PMM2: variants seen among roughly 807,000 people sequenced by gnomAD.
PMM2 encodes phosphomannomutase 2, also known as mannose-6-phosphate isomerase.
Under a neutral mutation model 33.2 loss-of-function variants are expected in PMM2, and 35 were observed. The observed-to-expected ratio is 1.06, with a 90% CI of 0.81 to 1.40. The LOEUF (loss-of-function observed/expected upper bound fraction) is 1.40, where lower values mean the gene tolerates loss of function less well. Ranked by LOEUF, PMM2 falls within the 40% of genes most tolerant of loss-of-function variation. PMM2 has a pLI of 0.00. For synonymous variants in PMM2, 153 were observed against 114.7 expected (o/e 1.33, Z -2.13); for missense variants, 386 against 306.0 (o/e 1.26, Z -1.95).
chr16:8,802,112 G>A (rs931912851), intron 2 of PMM2: 1 of 560,684 alleles, frequency 1.8e-6, no homozygotes, highest in Admixed American at 2.2e-5. Flanking sequence ...GGAGAACTGG[G>A]TACTCAGATG....
intron 1 of PMM2, among the ~76,000 whole-genome samples, chr16:8,800,658 G>C (rs960185880): frequency 7.6e-6 from 1 of 131,770 alleles, no homozygotes. Context: ...TCAATTCTAA[G>C]CTTCTCCTTT....
chr16:8,820,963 G>T (rs61368425), intron 7 of PMM2, among the ~76,000 whole-genome samples: 3,804 of 151,228 alleles, frequency 0.025, 78 homozygotes, highest in African/African-American at 0.055. Context: ...CTGTCCTCAG[G>T]TTCCAAGTTA....
chr16:8,802,905 C>G (rs2060624153), intron 2 of PMM2, among the ~76,000 whole-genome samples: 1 of 152,012 alleles, frequency 6.6e-6, no homozygotes, highest in African/African-American at 2.4e-5. Flanking sequence ...CCCCAGAGTC[C>G]TCACATCTTG....
chr16:8,822,195 G>A (rs535156291), intron 7 of PMM2, among the ~76,000 whole-genome samples: 67 of 152,256 alleles, frequency 4.4e-4, no homozygotes, highest in Admixed American at 1.2e-3. Flanking sequence ...CATAGGGGGT[G>A]GAAGTGAGTT....
intron 7 of PMM2, among the ~76,000 whole-genome samples, chr16:8,822,187 T>C (rs1442389009): frequency 6.6e-6 from 1 of 152,060 alleles, no homozygotes; most frequent in Admixed American, 6.6e-5. Context: ...GATGAAATCA[T>C]AGGGGGTGGA....
intron 7 of PMM2, among the ~76,000 whole-genome samples, chr16:8,834,834 T>C (rs1188244767): frequency 7.2e-5 from 11 of 151,784 alleles, no homozygotes; most frequent in African/African-American, 2.7e-4. Context: ...TATGGGGAAA[T>C]GGGGTGAATA....
chr16:8,828,492 C>T (rs898942774), intron 7 of PMM2, among the ~76,000 whole-genome samples: 1 of 152,124 alleles, frequency 6.6e-6, no homozygotes, highest in African/African-American at 2.4e-5. Context: ...GGACTTTACT[C>T]AAGATAATTC....
intron 7 of PMM2, among the ~76,000 whole-genome samples, chr16:8,826,936 A>G (rs2060771720): frequency 6.6e-6 from 1 of 152,176 alleles, no homozygotes; most frequent in South Asian, 2.1e-4. Context: ...TTTACCATAC[A>G]AGATCTTTTC....
At chr16:8,814,673 G>T (rs952623314) in intron 7 of PMM2, among the ~76,000 whole-genome samples, 1 of 152,220 alleles carries the variant, frequency 6.6e-6, no homozygotes, top group Non-Finnish European at 1.5e-5. Flanking sequence ...GGCACCAGAA[G>T]AAGTCTACCT....
In PMM2 at chr16:8,849,249, C is replaced by A. The variant is rs552732593; in HGVS notation, c.*1424C>A. The A allele has an allele frequency of 2.0e-5, 3 of 152,296 alleles. No homozygotes were observed. Among genetic ancestry groups the A allele is most frequent in the African/African-American group, 4.8e-5 (2 of 41,460 alleles). 9.4% of individuals were successfully genotyped at this position (152,296 alleles called of 1,614,324 possible). ...TGACTCACAGGACACAGCCATCCAG[C>A]GGCATCTTTCCTTGTCGAATGATAC... On this transcript the variant is annotated 3_prime_UTR_variant, in exon 8 of 8. Coordinates refer to ENST00000268261, the MANE Select transcript of PMM2 (RefSeq NM_000303.3).
chr16:8,832,620 C>T (rs753950709), intron 7 of PMM2: 20 of 985,432 alleles, frequency 2.0e-5, no homozygotes, highest in Non-Finnish European at 1.9e-5. Context: ...TCTTTGCACC[C>T]TGGCCGGCTG....
At chr16:8,823,557 T>C (rs533807620) in intron 7 of PMM2, among the ~76,000 whole-genome samples, 27 of 152,358 alleles carry the variant, frequency 1.8e-4, no homozygotes, top group African/African-American at 6.5e-4. Context: ...TGATTATTTG[T>C]ATAAAGTAAA....
chr16:8,823,265 AAGGT>A (rs987613333), intron 7 of PMM2, among the ~76,000 whole-genome samples: 1 of 152,162 alleles, frequency 6.6e-6, no homozygotes, highest in African/African-American at 2.4e-5. Flanking sequence ...CCTCAGGAAA[AAGGT>A]AGTAGCAATT....
intron 1 of PMM2, among the ~76,000 whole-genome samples, chr16:8,798,477 T>A (rs528987226): frequency 6.6e-6 from 1 of 152,052 alleles, no homozygotes; most frequent in Non-Finnish European, 1.5e-5. Flanking sequence ...TTCCATATGG[T>A]GTCTGTGAGG....
chr16:8,819,186 G>A (rs914692532), intron 7 of PMM2, among the ~76,000 whole-genome samples: 1 of 152,200 alleles, frequency 6.6e-6, no homozygotes, highest in African/African-American at 2.4e-5. Flanking sequence ...GGACAGCCCC[G>A]CTGCTCCTCA....
chr16:8,815,178 G>A (rs1440749942), intron 7 of PMM2, among the ~76,000 whole-genome samples: 1 of 151,614 alleles, frequency 6.6e-6, no homozygotes, highest in African/African-American at 2.4e-5. Context: ...TTTTTAAGGC[G>A]GAATAATGTT....
chr16:8,799,124 T>C (rs932490515), intron 1 of PMM2, among the ~76,000 whole-genome samples: 1 of 152,230 alleles, frequency 6.6e-6, no homozygotes, highest in Non-Finnish European at 1.5e-5. Context: ...ATGTGGTCTA[T>C]AGTAACCACT....
intron 7 of PMM2, among the ~76,000 whole-genome samples, chr16:8,839,382 C>G (rs2060874155): frequency 6.6e-6 from 1 of 151,868 alleles, no homozygotes; most frequent in South Asian, 2.1e-4. Flanking sequence ...ACCTAGAGTC[C>G]TAGGGATCCA....
rs200503569 is a variant in PMM2 at position 8,806,383 on chromosome 16, C to T, written c.323C>T (p.Ala108Val). 4.8e-5 allele frequency: 78 copies of T among 1,612,342 alleles called. No homozygotes were observed. The highest frequency in any genetic ancestry group is 6.1e-5 in the Non-Finnish European group (72 of 1,178,560). Residue 108 changes from alanine to valine, a missense_variant, in exon 4 of 8, where the codon GCG (alanine) becomes GTG (valine). Physicochemically the swap from Ala to Val is moderately conservative, Grantham distance 64. Transcript: ENST00000268261. ...DLINYCLSYIAKIKLPKKRGT... is the reference protein window; with the variant it reads ...DLINYCLSYIVKIKLPKKRGT... ...ATCAACTACTGTCTGAGCTACATTG[C>T]GAAAATTAAACTCCCGAAGAAGAGG...
Sources: gnomAD v4.1 joint callset for allele counts (sites outside exome capture counted in the v4.1 genomes callset) on GRCh38, gnomAD v4.1.1 for gene constraint, MANE v1.5 for transcripts, NCBI Gene and HGNC (gene_info 2026-07-23, HGNC 2026-07-21) for gene names.